Variants in PRKG2 observed in about 807,000 individuals in gnomAD.
PRKG2 encodes protein kinase cGMP-dependent 2.
In PRKG2, 33 loss-of-function variants were observed where a neutral mutation model predicts 97.2. That is an observed-to-expected ratio of 0.34 (90% confidence interval 0.26 to 0.45). The LOEUF (loss-of-function observed/expected upper bound fraction) is 0.45. PRKG2 is among the 20% of genes least tolerant of loss of function. PRKG2 has a pLI of 1.00. For synonymous variants in PRKG2, 330 were observed against 321.8 expected (o/e 1.03, Z -0.27); for missense variants, 638 against 900.0 (o/e 0.71, Z 3.73).
chr4:81,149,411 CAATT>C (rs1206368557), intron 8 of PRKG2, among the ~76,000 whole-genome samples: 2 of 152,096 alleles, frequency 1.3e-5, no homozygotes, highest in Non-Finnish European at 2.9e-5. Context: ...CCATATCACC[CAATT>C]AATTAAATAC....
At chr4:81,089,987 T>A (rs1159574359) in intron 18 of PRKG2, among the ~76,000 whole-genome samples, 184 bp from the exon 19 acceptor site, 4 of 152,196 alleles carry the variant, frequency 2.6e-5, no homozygotes, top group Admixed American at 1.3e-4. Context: ...AGATCTTCTC[T>A]TTACAACCAA....
At chr4:81,138,571 G>GA (rs58853629) in intron 12 of PRKG2, among the ~76,000 whole-genome samples, 34 of 149,556 alleles carry the variant, frequency 2.3e-4, no homozygotes, top group African/African-American at 3.2e-4. Context: ...TATATTCATT[G>GA]AAAAAAAAAT....
intron 17 of PRKG2, among the ~76,000 whole-genome samples, chr4:81,103,356 C>A (rs964117475): frequency 1.3e-5 from 2 of 151,608 alleles, no homozygotes; most frequent in African/African-American, 2.4e-5. Context: ...ATCAATGGCT[C>A]TAAAGGCCAG....
At chr4:81,139,478 T>A (rs1204322302) in intron 12 of PRKG2, among the ~76,000 whole-genome samples, 6 of 151,696 alleles carry the variant, frequency 4.0e-5, no homozygotes, top group Non-Finnish European at 7.4e-5. Flanking sequence ...TACTCAAGAA[T>A]AAAAACAGGC....
chr4:81,198,985 T>G (rs1753130049), intron 2 of PRKG2, among the ~76,000 whole-genome samples: 1 of 152,216 alleles, frequency 6.6e-6, no homozygotes, highest in South Asian at 2.1e-4. Context: ...CTGGATTATT[T>G]TTCTTCTTCC....
At chr4:81,126,303 C>T (rs1326789198) in intron 14 of PRKG2, among the ~76,000 whole-genome samples, 1 of 152,062 alleles carries the variant, frequency 6.6e-6, no homozygotes, top group African/African-American at 2.4e-5. Flanking sequence ...TTGGTTCCAA[C>T]CCTTGCTATT....
chr4:81,101,722 A>G (rs112787176), intron 17 of PRKG2, among the ~76,000 whole-genome samples: 6,873 of 151,900 alleles, frequency 0.045, 535 homozygotes, highest in East Asian at 0.34. Flanking sequence ...ATAATAAAAA[A>G]AAAGAAAGAG....
chr4:81,144,429 C>G (rs761342740), intron 9 of PRKG2, 99 bp from the exon 10 acceptor site: 45 of 859,036 alleles, frequency 5.2e-5, no homozygotes, highest in Non-Finnish European at 7.3e-5. Context: ...TTATTCCTGA[C>G]TTTATAAATC....
At position 81,088,683 on chromosome 4, in the gene PRKG2, C is replaced by T. The variant is rs181981154; in HGVS notation, c.*1025G>A. ...CCATGACTCAGATGTCTTTAAAAAG[C>T]GCTATTAACTCAGCAGTGACTACAG... is the stretch of plus-strand genomic sequence containing the variant. On this transcript the variant is annotated 3_prime_UTR_variant, in exon 19 of 19. Transcript: ENST00000264399. The T allele has an allele frequency of 5.4e-4, 82 of 152,204 alleles. No individual in the cohort carries two copies. Among genetic ancestry groups the T allele is most frequent in the African/African-American group, 1.8e-3 (76 of 41,528 alleles). 9.4% of individuals were successfully genotyped at this position (152,204 alleles called of 1,614,324 possible). A position where few individuals can be genotyped will look rare whatever the true frequency, so the allele number is the denominator to read the frequency against.
At chr4:81,136,428 A>T (rs1052278683) in intron 13 of PRKG2, among the ~76,000 whole-genome samples, 5 of 152,170 alleles carry the variant, frequency 3.3e-5, no homozygotes, top group African/African-American at 4.8e-5. Flanking sequence ...ACTTTGAAAA[A>T]CACTGGCACA....
chr4:81,206,621 A>T (rs1753682568), intron 1 of PRKG2, among the ~76,000 whole-genome samples: 1 of 152,222 alleles, frequency 6.6e-6, no homozygotes. Flanking sequence ...ACACTTGTAA[A>T]CTAAGCTTGA....
At position 81,148,871 on chromosome 4, in the gene PRKG2, T is replaced by A; in HGVS notation, c.1154+13A>T. On this transcript the variant is annotated intron_variant, in intron 9 of 18. Transcript: ENST00000264399. ...TGGCAGTGGCCTGCCTCCTCCAACA[T>A]CAGTATACTCACTCTCGATCTATAA... 1.2e-6 allele frequency: 2 copies of A among 1,612,568 alleles called. No individual in the cohort carries two copies.
chr4:81,127,846 G>C (rs1441673121), intron 14 of PRKG2, among the ~76,000 whole-genome samples: 2 of 152,112 alleles, frequency 1.3e-5, no homozygotes, highest in Admixed American at 1.3e-4. Context: ...TGATTGCCCT[G>C]GCCAGAACTT....
At chr4:81,133,044 C>T (rs886556637) in intron 14 of PRKG2, among the ~76,000 whole-genome samples, 2 of 151,876 alleles carry the variant, frequency 1.3e-5, no homozygotes, top group Non-Finnish European at 2.9e-5. Context: ...TCTTTGTGTC[C>T]TGAGTTGAGA....
chr4:81,163,421 G>A (rs745701045), intron 6 of PRKG2, among the ~76,000 whole-genome samples: 4 of 152,144 alleles, frequency 2.6e-5, no homozygotes, highest in Non-Finnish European at 4.4e-5. Flanking sequence ...TTTCAAGCAT[G>A]TTTTAATTCT....
Position 81,089,005 on chromosome 4 carries a change from C to T in PRKG2, c.*703G>A. On this transcript the variant is annotated 3_prime_UTR_variant, in exon 19 of 19. Transcript: ENST00000264399. Reference sequence around the variant, plus strand: ...GAAAAGTCTCTAAGGTATCACTGATCATAAAGGAGAGAAAATATTTCTTGC... The same window carrying T: ...GAAAAGTCTCTAAGGTATCACTGATTATAAAGGAGAGAAAATATTTCTTGC... 6.6e-6 allele frequency: 1 copy of T among 152,192 alleles called. No homozygotes were observed. Among genetic ancestry groups the T allele is most frequent in the East Asian group, 1.9e-4 (1 of 5,192 alleles). The allele number at this position is 152,192 out of a possible 1,614,324, so 9.4% of individuals were successfully genotyped here.
intron 14 of PRKG2, 102 bp downstream of exon 14, chr4:81,135,053 A>G (rs1746542932): frequency 1.7e-6 from 2 of 1,168,202 alleles, no homozygotes; most frequent in South Asian, 3.3e-5. Context: ...CAAAGAGAGA[A>G]TAACAGCTGC....
At chr4:81,114,692 C>A (rs1422171131) in intron 14 of PRKG2, among the ~76,000 whole-genome samples, 1 of 152,008 alleles carries the variant, frequency 6.6e-6, no homozygotes, top group Non-Finnish European at 1.5e-5. Flanking sequence ...TAAAAACACC[C>A]CTGCACCTAC....
rs759714578 is a variant in PRKG2 at position 81,204,876 on chromosome 4, G to T, written c.172C>A (p.Leu58Met). 3.7e-6 allele frequency: 6 copies of T among 1,614,210 alleles called. No homozygotes were observed. The South Asian group carries it at 6.6e-5, about 18-fold the overall frequency. The change falls in exon 2 of 19, where the codon CTG (leucine) becomes ATG (methionine). Residue 58 changes from leucine to methionine, a missense_variant. Transcript: ENST00000264399. ...EYHLKELREQ[L>M]SKQTVAIAEL... Reference sequence around the variant, plus strand: ...GCAATGGCCACAGTCTGCTTCGACAGCTGCTCCCGCAGCTCCTTCAAATGG... The same window carrying T: ...GCAATGGCCACAGTCTGCTTCGACATCTGCTCCCGCAGCTCCTTCAAATGG...
Sources: allele counts gnomAD v4.1 joint callset (sites outside exome capture counted in the v4.1 genomes callset), GRCh38; gene constraint gnomAD v4.1.1; transcripts MANE v1.5; gene names NCBI Gene and HGNC (gene_info 2026-07-23, HGNC 2026-07-21).